GSK3B: variants seen among roughly 807,000 people sequenced by gnomAD.
GSK3B encodes the protein glycogen synthase kinase 3 beta.
Under a neutral mutation model 56.4 loss-of-function variants are expected in GSK3B, and 15 were observed. The ratio of observed to expected loss-of-function variants is 0.27; its 90% confidence interval spans 0.18 to 0.41. The LOEUF (loss-of-function observed/expected upper bound fraction) is 0.41. GSK3B is among the 10% of genes least tolerant of loss of function. The pLI is 1.00. For synonymous variants in GSK3B, 181 were observed against 188.9 expected, an observed-to-expected ratio of 0.96 and a Z score of 0.34; for missense variants, 300 against 513.4, an observed-to-expected ratio of 0.58 and a Z score of 4.02.
intron 3 of GSK3B, among the ~76,000 whole-genome samples, chr3:119,933,705 C>T (rs1471536611): frequency 2.0e-5 from 3 of 151,694 alleles, no homozygotes; most frequent in Non-Finnish European, 4.4e-5. Context: ...GGTGAAACCC[C>T]GTCTCTTGTG....
At chr3:119,854,545 G>A (rs916064046) in intron 9 of GSK3B, among the ~76,000 whole-genome samples, 1 of 152,122 alleles carries the variant, frequency 6.6e-6, no homozygotes, top group South Asian at 2.1e-4. Context: ...AATCTGTCTG[G>A]TCCTGGACTT....
chr3:120,029,156 A>G, intron 1 of GSK3B: 1 of 690,776 alleles, frequency 1.4e-6, no homozygotes, highest in Non-Finnish European at 2.6e-6. Flanking sequence ...GACGGTTGGG[A>G]TAGCATAAGA....
chr3:119,994,213 T>C (rs1453282367), intron 2 of GSK3B, among the ~76,000 whole-genome samples: 1 of 151,986 alleles, frequency 6.6e-6, no homozygotes, highest in African/African-American at 2.4e-5. Flanking sequence ...ACCCATTTAA[T>C]AAAATGAGAG....
intron 3 of GSK3B, among the ~76,000 whole-genome samples, chr3:119,937,821 TA>T (rs555978373): frequency 1.7e-4 from 26 of 151,616 alleles, no homozygotes; most frequent in African/African-American, 6.3e-4. Context: ...TCAACAAAAC[TA>T]AAAGTTTTTT....
chr3:119,852,298 T>A (rs1302950731), intron 9 of GSK3B, among the ~76,000 whole-genome samples: 1 of 152,202 alleles, frequency 6.6e-6, no homozygotes, highest in Non-Finnish European at 1.5e-5. Flanking sequence ...TAGCAAAGTG[T>A]TAATATTTTT....
At chr3:119,947,204 A>T in intron 3 of GSK3B, 64 bp downstream of exon 3, 1 of 969,012 alleles carries the variant, frequency 1.0e-6, no homozygotes, top group East Asian at 2.4e-5. Flanking sequence ...CGGTGGGGAG[A>T]TTAATTTCTA....
chr3:119,982,560 T>G (rs530902943), intron 2 of GSK3B, among the ~76,000 whole-genome samples: 1 of 152,252 alleles, frequency 6.6e-6, no homozygotes, highest in East Asian at 1.9e-4. Flanking sequence ...AAGAACGTCA[T>G]GACATATGCA....
At chr3:120,041,345 T>C in intron 1 of GSK3B, 1 of 315,150 alleles carries the variant, frequency 3.2e-6, no homozygotes, top group Admixed American at 3.2e-5. Context: ...GTTGGGCCAG[T>C]GCTGGAAGTA....
Position 120,074,610 on chromosome 3 carries a change from C to A in GSK3B, c.88+18737G>T, listed in dbSNP as rs1418018296. ...GGATTACAGGTGTGAGCCACCACACCCAGCGCTGAGAAACTGTTACGAACA... is the reference window on the plus strand; with the variant it reads ...GGATTACAGGTGTGAGCCACCACACACAGCGCTGAGAAACTGTTACGAACA... On this transcript the variant is annotated intron_variant, in intron 1 of 10. Coordinates refer to ENST00000264235, the MANE Select transcript of GSK3B (RefSeq NM_001146156.2). Among the ~76,000 whole-genome samples the A allele has an allele frequency of 5.9e-5, 9 of 152,110 alleles. No homozygotes were observed. In the East Asian group the frequency reaches 1.7e-3, roughly 29 times the overall value.
intron 7 of GSK3B, among the ~76,000 whole-genome samples, chr3:119,884,329 C>T (rs1040783780): frequency 2.8e-4 from 42 of 152,054 alleles, no homozygotes; most frequent in African/African-American, 8.0e-4. Context: ...AAGAGCAAGC[C>T]GACCATAATC....
At chr3:119,940,123 T>TGTGC (rs1279793868) in intron 3 of GSK3B, among the ~76,000 whole-genome samples, 1 of 151,902 alleles carries the variant, frequency 6.6e-6, no homozygotes, top group African/African-American at 2.4e-5. Context: ...TGTGTGTGTG[T>TGTGC]GTGTGTGTGT....
intron 1 of GSK3B, among the ~76,000 whole-genome samples, chr3:120,013,471 G>C (rs2057796418): frequency 6.6e-6 from 1 of 152,176 alleles, no homozygotes; most frequent in Non-Finnish European, 1.5e-5. Context: ...TCATGCCACA[G>C]TCTAATAAAT....
At chr3:120,007,311 A>T (rs778444773) in intron 1 of GSK3B, among the ~76,000 whole-genome samples, 47 of 152,190 alleles carry the variant, frequency 3.1e-4, no homozygotes, top group Middle Eastern at 3.2e-3. Flanking sequence ...ACAAATTCAC[A>T]GCCGAATTCT....
At chr3:119,958,639 T>C (rs568781998) in intron 2 of GSK3B, among the ~76,000 whole-genome samples, 10 of 151,988 alleles carry the variant, frequency 6.6e-5, no homozygotes, top group South Asian at 2.1e-4. Flanking sequence ...GATTGTGACA[T>C]TGCACTTCAG....
intron 1 of GSK3B, among the ~76,000 whole-genome samples, chr3:120,085,207 C>T (rs1242434876): frequency 6.6e-6 from 1 of 152,104 alleles, no homozygotes; most frequent in Non-Finnish European, 1.5e-5. Flanking sequence ...ATAATTACTG[C>T]CGTTATTACC....
intron 7 of GSK3B, among the ~76,000 whole-genome samples, chr3:119,888,766 C>A (rs904364340): frequency 6.6e-6 from 1 of 152,042 alleles, no homozygotes; most frequent in Non-Finnish European, 1.5e-5. Flanking sequence ...TCACTAAATT[C>A]TTTTCCTAGC....
At chr3:120,012,954 C>T (rs1298061464) in intron 1 of GSK3B, among the ~76,000 whole-genome samples, 1 of 152,178 alleles carries the variant, frequency 6.6e-6, no homozygotes, top group African/African-American at 2.4e-5. Flanking sequence ...CCCCAAAGTG[C>T]TGGGATTACA....
At chr3:119,842,087 G>GA (rs1200730943) in intron 10 of GSK3B, among the ~76,000 whole-genome samples, 4 of 151,692 alleles carry the variant, frequency 2.6e-5, no homozygotes, top group Admixed American at 1.3e-4. Flanking sequence ...GAGAGAGAGA[G>GA]AAAAAAAAGG....
At chr3:119,937,734 C>A (rs570773092) in intron 3 of GSK3B, among the ~76,000 whole-genome samples, 2 of 151,008 alleles carry the variant, frequency 1.3e-5, no homozygotes, top group East Asian at 3.9e-4. Flanking sequence ...GAAACTGAAC[C>A]CAAAGCTAAC....
Sources: allele counts gnomAD v4.1 joint callset (sites outside exome capture counted in the v4.1 genomes callset), GRCh38; gene constraint gnomAD v4.1.1; transcripts MANE v1.5; gene names NCBI Gene and HGNC (gene_info 2026-07-23, HGNC 2026-07-21).